Variants in DDX10 observed in about 807,000 individuals in gnomAD.
DDX10 encodes probable ATP-dependent RNA helicase DDX10.
In DDX10, 74 loss-of-function variants were observed where a neutral mutation model predicts 104.3. The ratio of observed to expected loss-of-function variants is 0.71; its 90% CI spans 0.59 to 0.86. The LOEUF (loss-of-function observed/expected upper bound fraction) is 0.86. DDX10 is among the 40% of genes least tolerant of loss of function. DDX10 has a pLI of 0.00. For missense variants in DDX10, 952 were observed against 1,040.0 expected, an observed-to-expected ratio of 0.92 and a Z score of 1.16; for synonymous variants, 351 against 353.4, an observed-to-expected ratio of 0.99 and a Z score of 0.08.
intron 9 of DDX10, among the ~76,000 whole-genome samples, chr11:108,694,155 A>G (rs781218394): frequency 2.0e-4 from 31 of 152,128 alleles, no homozygotes; most frequent in Non-Finnish European, 3.4e-4. Flanking sequence ...TGAATTGTTT[A>G]TTTCTGGAAT....
rs1465437592 is a variant in DDX10 at position 108,699,070 on chromosome 11, ACATTGCTTT to A, written c.1223+5473_1223+5481del. Among the ~76,000 whole-genome samples the A allele has an allele frequency of 6.6e-5, 10 of 152,276 alleles. No homozygotes were observed. In the East Asian group the frequency reaches 1.9e-3, roughly 29 times the overall value. On this transcript the variant is annotated intron_variant, in intron 9 of 17. Coordinates refer to ENST00000322536, the MANE Select transcript of DDX10 (RefSeq NM_004398.4). ...TGGAGTATTTACTTAGTATATTTTT[ACATTGCTTT>A]CACCTTGATTGTAAGTTCCATAAAG...
intron 17 of DDX10, among the ~76,000 whole-genome samples, chr11:108,923,390 A>T (rs1282679913): frequency 6.6e-6 from 1 of 152,204 alleles, no homozygotes; most frequent in East Asian, 1.9e-4. Flanking sequence ...TTCAAAATAA[A>T]AATATTTTTA....
intron 9 of DDX10, among the ~76,000 whole-genome samples, chr11:108,698,496 A>G (rs2094262967): frequency 6.6e-6 from 1 of 152,144 alleles, no homozygotes. Context: ...CAGCAAATTT[A>G]TTTTGCATCT....
chr11:108,936,834 A>G (rs1006008789), intron 17 of DDX10, among the ~76,000 whole-genome samples: 9 of 152,210 alleles, frequency 5.9e-5, no homozygotes, highest in South Asian at 2.1e-4. Context: ...AAAAATTGCC[A>G]GGAATATATA....
chr11:108,810,234 C>G (rs74652530), intron 13 of DDX10, among the ~76,000 whole-genome samples: 1,685 of 152,246 alleles, frequency 0.011, 25 homozygotes, highest in African/African-American at 0.038. Context: ...CGATAAACAT[C>G]TGTTGTATTT....
At chr11:108,684,294 A>G (rs1378841413) in intron 6 of DDX10, among the ~76,000 whole-genome samples, 1 of 149,302 alleles carries the variant, frequency 6.7e-6, no homozygotes, top group East Asian at 2.0e-4. Flanking sequence ...TGCACCCACT[A>G]ACTTGTCATC....
At chr11:108,803,996 G>A (rs1429449632) in intron 13 of DDX10, among the ~76,000 whole-genome samples, 3 of 151,998 alleles carry the variant, frequency 2.0e-5, no homozygotes, top group African/African-American at 7.2e-5. Flanking sequence ...CTGTTTCCAG[G>A]GCAATTTCTT....
At chr11:108,871,224 A>G (rs1863077686) in intron 16 of DDX10, among the ~76,000 whole-genome samples, 1 of 152,140 alleles carries the variant, frequency 6.6e-6, no homozygotes, top group South Asian at 2.1e-4. Flanking sequence ...CCCATGTACC[A>G]TACAAGCATG....
chr11:108,733,450 C>A (rs1299916922), intron 13 of DDX10, among the ~76,000 whole-genome samples: 1 of 152,062 alleles, frequency 6.6e-6, no homozygotes, highest in Non-Finnish European at 1.5e-5. Context: ...TATAACTTAC[C>A]ATGCACTTTG....
chr11:108,739,110 A>G lies in DDX10; in HGVS notation c.1965+15648A>G, dbSNP rs990092798. Among the ~76,000 whole-genome samples the G allele has an allele frequency of 7.2e-5, 11 of 152,314 alleles. 1 individual carries two copies. Among genetic ancestry groups the G allele is most frequent in the African/African-American group, 2.6e-4 (11 of 41,576 alleles). ...TCTGTCTCTCCTAAGGCTGTATGCT[A>G]TCCAGACATCCATAAAATCGTGTGG... On this transcript the variant is annotated intron_variant, in intron 13 of 17. Transcript: ENST00000322536.
At position 108,842,994 on chromosome 11, in the gene DDX10, A is replaced by C. The variant is rs1429033297; in HGVS notation, c.2247+1518A>C. Among the ~76,000 whole-genome samples, 4 of 152,338 alleles carry C rather than the reference A, an allele frequency of 2.6e-5. No homozygotes were observed. The East Asian group carries it at 7.7e-4, about 29-fold the overall frequency. The stretch of plus-strand genomic sequence containing the variant: ...CCATGTCATTGAATATTGTTCTGGA[A>C]ACCTTTAGAAAGTTAATTTCAAATT... On this transcript the variant is annotated intron_variant, in intron 15 of 17. Coordinates refer to ENST00000322536, the MANE Select transcript of DDX10 (RefSeq NM_004398.4).
chr11:108,850,838 C>T (rs1465392390), intron 15 of DDX10, among the ~76,000 whole-genome samples: 1 of 152,134 alleles, frequency 6.6e-6, no homozygotes, highest in East Asian at 1.9e-4. Context: ...CCAAGTCCAT[C>T]ACTTACTATG....
At chr11:108,929,550 A>T (rs1030451490) in intron 17 of DDX10, 7 of 152,148 alleles carry the variant, frequency 4.6e-5, no homozygotes, top group African/African-American at 1.7e-4. Flanking sequence ...CCTGATTGTG[A>T]TACTGACTTC....
At chr11:108,914,390 A>G (rs953786835) in intron 16 of DDX10, among the ~76,000 whole-genome samples, 1 of 152,214 alleles carries the variant, frequency 6.6e-6, no homozygotes, top group African/African-American at 2.4e-5. Context: ...GCAGCCACAG[A>G]GAGGGTAAGC....
intron 13 of DDX10, among the ~76,000 whole-genome samples, chr11:108,776,629 A>G (rs2094370238): frequency 6.6e-6 from 1 of 152,194 alleles, no homozygotes; most frequent in South Asian, 2.1e-4. Context: ...AGTTGACATT[A>G]AGATGGGGGA....
chr11:108,797,736 C>G (rs1861964962), intron 13 of DDX10, among the ~76,000 whole-genome samples: 1 of 152,182 alleles, frequency 6.6e-6, no homozygotes, highest in South Asian at 2.1e-4. Flanking sequence ...GCAAGTAACA[C>G]AACAGTGGTT....
Position 108,876,402 on chromosome 11 carries a change from T to G in DDX10, c.2304+24193T>G, listed in dbSNP as rs183380019. 3.3e-5 allele frequency among the ~76,000 whole-genome samples: 5 copies of G among 152,244 alleles called. No individual in the cohort carries two copies. In the East Asian group the frequency reaches 9.7e-4, roughly 29 times the overall value. ...AGGAAAAACCTCAGACTTCAAACCT[T>G]TTTTCCCTCTATGCCACATCAGCAG... On this transcript the variant is annotated intron_variant, in intron 16 of 17. Coordinates refer to ENST00000322536, the MANE Select transcript of DDX10 (RefSeq NM_004398.4).
intron 1 of DDX10, among the ~76,000 whole-genome samples, chr11:108,669,192 C>T (rs1363744191): frequency 3.3e-5 from 5 of 151,800 alleles, no homozygotes; most frequent in African/African-American, 1.2e-4. Flanking sequence ...CTCCTGGGCT[C>T]AAGTGACCCA....
chr11:108,835,827 A>T (rs1490408065), intron 13 of DDX10, among the ~76,000 whole-genome samples: 1 of 117,306 alleles, frequency 8.5e-6, no homozygotes, highest in South Asian at 2.8e-4. Context: ...TTTCCATTTG[A>T]GGCGTGGTGG....
Sources: allele counts gnomAD v4.1 joint callset (sites outside exome capture counted in the v4.1 genomes callset), GRCh38; gene constraint gnomAD v4.1.1; transcripts MANE v1.5; gene names NCBI Gene and HGNC (gene_info 2026-07-23, HGNC 2026-07-21).